Variants in LINGO1 observed in about 807,000 individuals in gnomAD.
The protein encoded by LINGO1 is leucine-rich repeat and immunoglobulin-like domain-containing nogo receptor-interacting protein 1.
A neutral mutation model predicts 37.3 loss-of-function variants in LINGO1; 11 were observed. The observed-to-expected ratio is 0.29, with a 90% confidence interval of 0.19 to 0.49. The LOEUF (loss-of-function observed/expected upper bound fraction) is 0.49. LINGO1 is among the 20% of genes least tolerant of loss of function. The pLI, the probability that LINGO1 is intolerant of heterozygous loss-of-function variation, is 0.99. For synonymous variants in LINGO1, 387 were observed against 403.0 expected, an observed-to-expected ratio of 0.96 and a Z score of 0.48; for missense variants, 585 against 878.2, an observed-to-expected ratio of 0.67 and a Z score of 4.22.
At position 77,817,766 on chromosome 15, in the gene LINGO1, C is replaced by G. The variant is rs116975357; in HGVS notation, c.-458+2492G>C. ...AGACCAGGGTCAGCGGATACCCTCG[C>G]AGTGGAAAAGGGCTGTCCTAAGACT... On this transcript the variant is annotated intron_variant, in intron 1 of 5. Coordinates refer to the LINGO1 transcript ENST00000562933. 2.3e-4 allele frequency among the ~76,000 whole-genome samples: 35 copies of G among 152,296 alleles called. No homozygotes were observed. The East Asian group carries it at 6.7e-3, about 29-fold the overall frequency.
chr15:77,769,438 T>C (rs1458421997), intron 1 of LINGO1, among the ~76,000 whole-genome samples: 1 of 152,162 alleles, frequency 6.6e-6, no homozygotes, highest in African/African-American at 2.4e-5. Context: ...TCGCACACCC[T>C]GGGACGTGCT....
intron 2 of LINGO1, among the ~76,000 whole-genome samples, chr15:77,712,856 C>T (rs2075935948): frequency 6.6e-6 from 1 of 152,202 alleles, no homozygotes; most frequent in South Asian, 2.1e-4. Context: ...CACTTGGACT[C>T]TGAACCCACC....
chr15:77,625,139 G>A (rs561723109), intron 1 of LINGO1, among the ~76,000 whole-genome samples: 1 of 152,308 alleles, frequency 6.6e-6, no homozygotes, highest in Admixed American at 6.5e-5. Context: ...GCCTGGGAGA[G>A]CTATAGGCCT....
At chr15:77,776,558 G>GCAGGAA (rs1596218444) in intron 1 of LINGO1, among the ~76,000 whole-genome samples, 1 of 61,246 alleles carries the variant, frequency 1.6e-5, no homozygotes, top group Non-Finnish European at 3.8e-5. Flanking sequence ...GGGAGGGAGG[G>GCAGGAA]AGCTGACTCT....
intron 3 of LINGO1, among the ~76,000 whole-genome samples, chr15:77,654,569 C>G (rs2074828568): frequency 6.6e-6 from 1 of 152,042 alleles, no homozygotes; most frequent in Non-Finnish European, 1.5e-5. Context: ...GAGCACAATG[C>G]CCCTGAAATC....
At chr15:77,697,141 T>A (rs568803355), upstream of LINGO1, among the ~76,000 whole-genome samples, 10 of 152,322 alleles carry the variant, frequency 6.6e-5, no homozygotes, top group Admixed American at 6.5e-4. Flanking sequence ...CGGGGCTCAG[T>A]GCCAGGTTCC....
intron 1 of LINGO1, among the ~76,000 whole-genome samples, chr15:77,751,525 G>A (rs1489842533): frequency 6.6e-6 from 1 of 152,176 alleles, no homozygotes; most frequent in Non-Finnish European, 1.5e-5. Flanking sequence ...AGCCTATGGG[G>A]TAGGGGGGAC....
intron 2 of LINGO1, among the ~76,000 whole-genome samples, chr15:77,682,277 A>AGTGTGTGTGTGTGTGTGTGT (rs10581838): frequency 0.019 from 2,684 of 139,836 alleles, 47 homozygotes; most frequent in Middle Eastern, 0.036. Context: ...TAGAGATTAA[A>AGTGTGTGTGTGTGTGTGTGT]GTGTGTGTGT....
chr15:77,645,226 G>A (rs1329560359), intron 3 of LINGO1, among the ~76,000 whole-genome samples: 12 of 152,210 alleles, frequency 7.9e-5, no homozygotes, highest in Admixed American at 3.3e-4. Context: ...CCCAACACCA[G>A]GGGCTGAGGG....
At chr15:77,798,193 G>A (rs2076888776) in intron 1 of LINGO1, among the ~76,000 whole-genome samples, 1 of 152,208 alleles carries the variant, frequency 6.6e-6, no homozygotes, top group South Asian at 2.1e-4. Context: ...TAGGACACAG[G>A]GGTAGCAGAG....
chr15:77,794,588 ATATTT>A (rs769760249), intron 2 of LINGO1, among the ~76,000 whole-genome samples: 15 of 39,446 alleles, frequency 3.8e-4, no homozygotes, highest in South Asian at 7.2e-4. Flanking sequence ...ATATATATAT[ATATTT>A]TTTTTTTTTT....
At chr15:77,746,303 T>C (rs2076314478) in intron 1 of LINGO1, among the ~76,000 whole-genome samples, 1 of 151,820 alleles carries the variant, frequency 6.6e-6, no homozygotes, top group South Asian at 2.1e-4. Flanking sequence ...AAAATGGGTA[T>C]AAACAACATG....
chr15:77,796,983 G>A (rs1236894892), intron 1 of LINGO1, among the ~76,000 whole-genome samples: 1 of 152,206 alleles, frequency 6.6e-6, no homozygotes, highest in Non-Finnish European at 1.5e-5. Flanking sequence ...ATTATCGGCG[G>A]AGCCATCATG....
At chr15:77,648,242 T>C (rs2074680547) in intron 3 of LINGO1, 1 of 249,124 alleles carries the variant, frequency 4.0e-6, no homozygotes. Context: ...TTCCAGGCAC[T>C]GTGCTAGACA....
chr15:77,741,283 A>T (rs2141348868), intron 1 of LINGO1, among the ~76,000 whole-genome samples: 1 of 152,330 alleles, frequency 6.6e-6, no homozygotes, highest in Non-Finnish European at 1.5e-5. Flanking sequence ...ACGAGTCAGC[A>T]GCACCCCAAG....
intron 3 of LINGO1, among the ~76,000 whole-genome samples, chr15:77,674,008 T>G (rs1462883724): frequency 6.6e-6 from 1 of 152,070 alleles, no homozygotes; most frequent in East Asian, 1.9e-4. Context: ...TGTAACCATT[T>G]TTTCCAAATG....
intron 1 of LINGO1, among the ~76,000 whole-genome samples, chr15:77,780,531 A>G (rs2076705729): frequency 6.6e-6 from 1 of 151,920 alleles, no homozygotes; most frequent in Non-Finnish European, 1.5e-5. Context: ...ATTAAACCAA[A>G]TAGTTTGCAA....
chr15:77,727,072 G>A lies in LINGO1; in HGVS notation c.-195+7920C>T, dbSNP rs117336529. Among the ~76,000 whole-genome samples, 1,219 of 152,220 alleles carry A rather than the reference G, an allele frequency of 8.0e-3. 6 individuals are homozygous for A. Among genetic ancestry groups the A allele is most frequent in the Admixed American group, 0.014 (207 of 15,288 alleles). ...CACCTCAGATAGGGATGGTCACTAC[G>A]GAAAGAAAAATAAGTATTTGCAAGG... On this transcript the variant is annotated intron_variant, in intron 2 of 3. Transcript: ENST00000561686.
At chr15:77,805,464 G>A (rs935869297) in intron 1 of LINGO1, among the ~76,000 whole-genome samples, 3 of 152,204 alleles carry the variant, frequency 2.0e-5, no homozygotes, top group African/African-American at 7.2e-5. Flanking sequence ...TGGGAGGCCT[G>A]CCCAGGTGCC....
Sources: gnomAD v4.1 joint callset for allele counts (sites outside exome capture counted in the v4.1 genomes callset) on GRCh38, gnomAD v4.1.1 for gene constraint, MANE v1.5 for transcripts, NCBI Gene and HGNC (gene_info 2026-07-23, HGNC 2026-07-21) for gene names.